The following GLIS3 variants were observed in gnomAD, a reference collection of about 807,000 sequenced individuals.
GLIS3 encodes zinc finger protein GLIS3.
In GLIS3, 53 loss-of-function variants were observed where a neutral mutation model predicts 78.6. The ratio of observed to expected loss-of-function variants is 0.67; its 90% CI spans 0.54 to 0.85. The LOEUF (loss-of-function observed/expected upper bound fraction) is 0.85. Among genes scored for constraint, GLIS3 ranks in the 40% least tolerant of loss-of-function variants. The pLI is 0.00. For synonymous variants in GLIS3, 684 were observed against 509.9 expected, an observed-to-expected ratio of 1.34 and a Z score of -4.60; for missense variants, 1,703 against 1,231.1, an observed-to-expected ratio of 1.38 and a Z score of -5.74.
At chr9:4,079,164 T>C (rs766834974) in intron 4 of GLIS3, among the ~76,000 whole-genome samples, 2 of 152,230 alleles carry the variant, frequency 1.3e-5, no homozygotes, top group South Asian at 2.1e-4. Flanking sequence ...TAGGGTCCCA[T>C]TGCTTTTGGA....
intron 5 of GLIS3, among the ~76,000 whole-genome samples, chr9:3,936,311 A>T (rs62523478): frequency 0.04 from 6,152 of 152,320 alleles, 172 homozygotes; most frequent in Non-Finnish European, 0.061. Flanking sequence ...CATAATTGAG[A>T]AAATAAAAGA....
intron 4 of GLIS3, among the ~76,000 whole-genome samples, chr9:4,115,122 C>T (rs1182660707): frequency 6.6e-6 from 1 of 152,174 alleles, no homozygotes; most frequent in African/African-American, 2.4e-5. Flanking sequence ...CTTCCAGAAG[C>T]TCTTTGTGTT....
chr9:4,207,159 C>T (rs1303117862), intron 2 of GLIS3, among the ~76,000 whole-genome samples: 1 of 152,176 alleles, frequency 6.6e-6, no homozygotes, highest in Non-Finnish European at 1.5e-5. Flanking sequence ...TCTTTCATAA[C>T]CCAGTCCAAT....
intron 2 of GLIS3, among the ~76,000 whole-genome samples, chr9:4,217,278 G>C (rs964817520): frequency 2.0e-5 from 3 of 152,124 alleles, no homozygotes; most frequent in African/African-American, 7.2e-5. Context: ...TTCAGCTCAG[G>C]CTCCATATCT....
At position 3,856,040 on chromosome 9, in the gene GLIS3, A is replaced by G. The variant is rs1819763801; in HGVS notation, c.2442T>C (p.Ser814=). 1.2e-6 allele frequency: 2 copies of G among 1,614,074 alleles called. No individual in the cohort carries two copies. The highest frequency in any genetic ancestry group is 1.7e-5 in the Admixed American group (1 of 60,008). ...HLKSYQPETN[S]SFQPNGIHVH... ...CATGGATACCATTTGGTTGAAAAGA[A>G]GAGTTTGTTTCTGGCTGATAGGACT... Residue 814 remains serine, a synonymous_variant, in exon 9 of 11, where the codon TCT becomes TCC. Transcript: ENST00000381971.
chr9:4,256,513 T>C (rs1299543592), intron 2 of GLIS3, among the ~76,000 whole-genome samples: 2 of 152,178 alleles, frequency 1.3e-5, no homozygotes, highest in African/African-American at 2.4e-5. Context: ...TTGGTGAGCA[T>C]CCTAAAGGAC....
chr9:3,960,574 G>A (rs542857986), intron 4 of GLIS3, among the ~76,000 whole-genome samples: 3 of 152,244 alleles, frequency 2.0e-5, no homozygotes, highest in Admixed American at 1.3e-4. Context: ...GATGATCCTG[G>A]CACATAGTGG....
intron 2 of GLIS3, among the ~76,000 whole-genome samples, chr9:4,128,771 T>G (rs892440025): frequency 6.6e-6 from 1 of 152,234 alleles, no homozygotes; most frequent in African/African-American, 2.4e-5. Context: ...TACTCTGGAT[T>G]CATACATTCA....
At chr9:3,916,200 C>T (rs557224659) in intron 6 of GLIS3, among the ~76,000 whole-genome samples, 2 of 152,282 alleles carry the variant, frequency 1.3e-5, no homozygotes, top group African/African-American at 4.8e-5. Flanking sequence ...TTGTGAAACT[C>T]CCATAGTAAT....
chr9:4,138,238 G>C (rs373440369), intron 2 of GLIS3, among the ~76,000 whole-genome samples: 1 of 152,192 alleles, frequency 6.6e-6, no homozygotes, highest in Non-Finnish European at 1.5e-5. Context: ...GAATGGAAGG[G>C]AGGGAGAACG....
the GLIS3 span, among the ~76,000 whole-genome samples, chr9:4,411,614 A>T: frequency 6.6e-6 from 1 of 152,098 alleles, no homozygotes; most frequent in Non-Finnish European, 1.5e-5. Context: ...CTTCCATTTG[A>T]CCTAATTTTT....
the GLIS3 span, among the ~76,000 whole-genome samples, chr9:4,354,525 C>A: frequency 1.1e-4 from 17 of 152,282 alleles, no homozygotes; most frequent in African/African-American, 4.1e-4. Context: ...AACTGCTTAC[C>A]CTCCAGAATC....
intron 4 of GLIS3, among the ~76,000 whole-genome samples, chr9:3,978,829 C>T (rs1272398877): frequency 6.6e-6 from 1 of 152,098 alleles, no homozygotes; most frequent in African/African-American, 2.4e-5. Flanking sequence ...ACTCTACATC[C>T]TTGAGTTCCA....
intron 2 of GLIS3, among the ~76,000 whole-genome samples, chr9:4,194,019 T>C (rs1281947233): frequency 6.6e-6 from 1 of 152,236 alleles, no homozygotes; most frequent in Non-Finnish European, 1.5e-5. Flanking sequence ...CTGATGTTTA[T>C]TACATTTTGG....
intron 2 of GLIS3, among the ~76,000 whole-genome samples, chr9:4,335,382 G>C (rs988533160): frequency 2.6e-5 from 4 of 152,216 alleles, no homozygotes; most frequent in Admixed American, 6.5e-5. Context: ...AAATGGTTCA[G>C]TTAAAGTAAA....
intron 2 of GLIS3, among the ~76,000 whole-genome samples, chr9:4,240,743 C>T (rs10120959): frequency 0.58 from 88,537 of 151,896 alleles, 26,055 homozygotes; most frequent in African/African-American, 0.65. Context: ...AATATTCAAA[C>T]AAAAATGGAT....
At chr9:4,438,545 C>G in the GLIS3 span, among the ~76,000 whole-genome samples, 1 of 152,134 alleles carries the variant, frequency 6.6e-6, no homozygotes, top group Non-Finnish European at 1.5e-5. Flanking sequence ...AATAGCTTAT[C>G]CTGAATCTGG....
chr9:4,043,110 T>C (rs1563979524), intron 4 of GLIS3, among the ~76,000 whole-genome samples: 1 of 152,182 alleles, frequency 6.6e-6, no homozygotes, highest in Non-Finnish European at 1.5e-5. Flanking sequence ...CATTCACAGC[T>C]TCCCAGCCCC....
chr9:4,347,016 G>C (rs1817903967), intron 2 of GLIS3: 1 of 152,028 alleles, frequency 6.6e-6, no homozygotes, highest in African/African-American at 2.4e-5. Context: ...AGTCCATTTT[G>C]TATTGCTATA....
Sources: allele counts gnomAD v4.1 joint callset (sites outside exome capture counted in the v4.1 genomes callset), GRCh38; gene constraint gnomAD v4.1.1; transcripts MANE v1.5; gene names NCBI Gene and HGNC (gene_info 2026-07-23, HGNC 2026-07-21).